Variants in SRGAP1 observed in about 807,000 individuals in gnomAD.
SRGAP1 encodes SLIT-ROBO Rho GTPase-activating protein 1.
SRGAP1 carries 43 observed loss-of-function variants against 121.9 expected under a neutral mutation model. The ratio of observed to expected loss-of-function variants is 0.35; its 90% confidence interval spans 0.28 to 0.46. SRGAP1 has a LOEUF of 0.46. Ranked by LOEUF, SRGAP1 falls within the 20% of genes least tolerant of loss-of-function variation. SRGAP1 has a pLI of 1.00. For missense variants in SRGAP1, 1,102 were observed against 1,350.9 expected (o/e 0.82, Z 2.89); for synonymous variants, 447 against 485.4 (o/e 0.92, Z 1.04).
intron 1 of SRGAP1, among the ~76,000 whole-genome samples, chr12:63,976,662 G>T (rs1012580729): frequency 6.6e-6 from 1 of 152,172 alleles, no homozygotes; most frequent in Non-Finnish European, 1.5e-5. Context: ...TTTCATAGTG[G>T]TTTACAGATT....
chr12:64,141,305 G>A (rs191874069), intron 21 of SRGAP1, among the ~76,000 whole-genome samples: 12 of 150,228 alleles, frequency 8.0e-5, no homozygotes, highest in African/African-American at 2.4e-4. Context: ...AACTTGGCCC[G>A]GCACGGTGGC....
intron 3 of SRGAP1, among the ~76,000 whole-genome samples, chr12:64,010,954 TA>T (rs2136454692): frequency 6.6e-6 from 1 of 151,728 alleles, no homozygotes; most frequent in Admixed American, 6.6e-5. Flanking sequence ...AGGAAAGACC[TA>T]ATCTCTTTCC....
At chr12:64,029,735 G>A (rs1173687895) in intron 4 of SRGAP1, among the ~76,000 whole-genome samples, 1 of 129,416 alleles carries the variant, frequency 7.7e-6, no homozygotes, top group Non-Finnish European at 1.7e-5. Flanking sequence ...GGTGGCTCAC[G>A]CCTGTAATCC....
chr12:64,034,248 A>G (rs1042428396), intron 4 of SRGAP1, among the ~76,000 whole-genome samples: 1 of 151,992 alleles, frequency 6.6e-6, no homozygotes, highest in African/African-American at 2.4e-5. Flanking sequence ...CTGGCTGTTT[A>G]AAAGTGTGTA....
intron 1 of SRGAP1, among the ~76,000 whole-genome samples, chr12:63,965,586 A>C (rs1263415990): frequency 1.3e-5 from 2 of 152,138 alleles, no homozygotes; most frequent in African/African-American, 4.8e-5. Flanking sequence ...CAGGAGGGTC[A>C]CTTAAAGCCA....
At chr12:63,892,188 C>G (rs986922863) in intron 1 of SRGAP1, among the ~76,000 whole-genome samples, 4 of 152,144 alleles carry the variant, frequency 2.6e-5, no homozygotes, top group Non-Finnish European at 5.9e-5. Context: ...ACCATTCCCT[C>G]CTTCCCTACC....
At chr12:64,119,138 C>T (rs1447092287) in intron 18 of SRGAP1, among the ~76,000 whole-genome samples, 4 of 152,080 alleles carry the variant, frequency 2.6e-5, no homozygotes, top group Non-Finnish European at 4.4e-5. Context: ...ATGTAATTGT[C>T]GCAATTATCT....
At chr12:63,885,076 A>G (rs1900332347) in intron 1 of SRGAP1, among the ~76,000 whole-genome samples, 1 of 151,970 alleles carries the variant, frequency 6.6e-6, no homozygotes, top group Admixed American at 6.6e-5. Context: ...TGTTTAGGAA[A>G]AACTCTCAAA....
chr12:64,067,140 A>G (rs758751744), intron 8 of SRGAP1, among the ~76,000 whole-genome samples: 2 of 152,172 alleles, frequency 1.3e-5, no homozygotes, highest in African/African-American at 4.8e-5. Context: ...GTTCTCTTAC[A>G]CTGGACTGTT....
At chr12:64,122,777 A>G (rs975413249) in intron 18 of SRGAP1, among the ~76,000 whole-genome samples, 3 of 152,134 alleles carry the variant, frequency 2.0e-5, no homozygotes, top group Admixed American at 6.6e-5. Context: ...ACGTGCCTGC[A>G]GTCCCGGCTA....
Position 63,951,152 on chromosome 12 carries a change from C to CTTT in SRGAP1, c.68-32768_68-32766dup, listed in dbSNP as rs58637983. Reference sequence around the variant, plus strand: ...GGGCTGGTCCATGCCATTTAGAACTCTTTTTTTTTTTTTTTTTTTTTTTTT... The same window carrying CTTT: ...GGGCTGGTCCATGCCATTTAGAACTCTTTTTTTTTTTTTTTTTTTTTTTTTTTT... On this transcript the variant is annotated intron_variant, in intron 1 of 21. Coordinates refer to ENST00000355086, the MANE Select transcript of SRGAP1 (RefSeq NM_020762.4). Among the ~76,000 whole-genome samples the CTTT allele has an allele frequency of 5.9e-3, 262 of 44,200 alleles. 61 individuals are homozygous for CTTT. The highest frequency in any genetic ancestry group is 0.016 in the East Asian group (16 of 1,020). 29.0% of individuals were successfully genotyped at this position (44,200 alleles called of 152,430 possible).
intron 1 of SRGAP1, among the ~76,000 whole-genome samples, chr12:63,938,011 T>C (rs1461327962): frequency 3.3e-5 from 5 of 152,192 alleles, no homozygotes; most frequent in African/African-American, 1.2e-4. Context: ...AAGTTGAGTG[T>C]TTTACACATT....
rs1016318936 is a variant in SRGAP1 at position 64,142,746 on chromosome 12, C to T, written c.*74C>T. ...GGATTAGTGACAAAAGTCACTGATC[C>T]ATAACTTTCCTTAGTTTTGTGCTTA... is the stretch of plus-strand genomic sequence containing the variant. On this transcript the variant is annotated 3_prime_UTR_variant, in exon 22 of 22. Transcript: ENST00000355086. The T allele has an allele frequency of 1.3e-6, 2 of 1,524,970 alleles. No homozygotes were observed. Among genetic ancestry groups the T allele is most frequent in the Non-Finnish European group, 8.8e-7 (1 of 1,136,848 alleles). The allele number at this position is 1,524,970 out of a possible 1,614,324, so 94.5% of individuals were successfully genotyped here.
intron 19 of SRGAP1, among the ~76,000 whole-genome samples, chr12:64,126,418 G>A (rs1343662194): frequency 2.0e-5 from 3 of 152,212 alleles, no homozygotes; most frequent in Admixed American, 6.5e-5. Context: ...ATAGAATGGT[G>A]TTAAGAGCTG....
At chr12:64,123,519 C>A (rs887791916) in intron 18 of SRGAP1, among the ~76,000 whole-genome samples, 3 of 152,112 alleles carry the variant, frequency 2.0e-5, no homozygotes, top group African/African-American at 7.2e-5. Context: ...TATAGTCCCT[C>A]CTCTATGAAG....
In SRGAP1 at chr12:64,127,967, G is replaced by A; in HGVS notation, c.2647G>A (p.Asp883Asn). The change falls in exon 21 of 22, where the codon GAC becomes AAC. Residue 883 changes from aspartate to asparagine, a missense_variant. Coordinates refer to ENST00000355086, the MANE Select transcript of SRGAP1 (RefSeq NM_020762.4). ...PPHALSNSSV[D>N]LGSPSLASHP... ...ACATGCCCTTTCTAACTCCTCAGTT[G>A]ACCTAGGGTCCCCAAGCCTTGCCAG... The A allele has an allele frequency of 6.2e-7, 1 of 1,614,178 alleles. No individual in the cohort carries two copies. The highest frequency in any genetic ancestry group is 8.5e-7 in the Non-Finnish European group (1 of 1,180,024).
intron 1 of SRGAP1, among the ~76,000 whole-genome samples, chr12:63,845,849 A>G (rs918339217): frequency 2.6e-5 from 4 of 152,220 alleles, no homozygotes; most frequent in African/African-American, 9.6e-5. Flanking sequence ...CAAAGTTCAT[A>G]AAGATTGCTA....
At chr12:64,102,368 A>T (rs992011465) in intron 15 of SRGAP1, among the ~76,000 whole-genome samples, 1 of 152,246 alleles carries the variant, frequency 6.6e-6, no homozygotes, top group South Asian at 2.1e-4. Context: ...GTTTTTCTAC[A>T]GTACCTATGT....
intron 8 of SRGAP1, among the ~76,000 whole-genome samples, chr12:64,068,883 G>C (rs2035589811): frequency 6.6e-6 from 1 of 151,516 alleles, no homozygotes; most frequent in African/African-American, 2.4e-5. Context: ...GATGGCGCAT[G>C]CCTGTAGTCC....
Sources: gnomAD v4.1 joint callset for allele counts (sites outside exome capture counted in the v4.1 genomes callset) on GRCh38, gnomAD v4.1.1 for gene constraint, MANE v1.5 for transcripts, NCBI Gene and HGNC (gene_info 2026-07-23, HGNC 2026-07-21) for gene names.